Variants in PATJ observed in about 807,000 individuals in gnomAD.
The protein encoded by PATJ is inaD-like protein.
In PATJ, 190 loss-of-function variants were observed where a neutral mutation model predicts 224.9. That is an observed-to-expected ratio of 0.84 (90% CI 0.75 to 0.95). PATJ has a LOEUF of 0.95. PATJ is among the 40% of genes least tolerant of loss of function. The pLI, the probability that PATJ is intolerant of heterozygous loss-of-function variation, is 0.00. For synonymous variants in PATJ, 769 were observed against 820.3 expected, an observed-to-expected ratio of 0.94 and a Z score of 1.07; for missense variants, 2,121 against 2,270.3, an observed-to-expected ratio of 0.93 and a Z score of 1.34.
intron 27 of PATJ, among the ~76,000 whole-genome samples, chr1:61,980,745 G>A (rs1553230173): frequency 1.3e-5 from 2 of 152,082 alleles, no homozygotes; most frequent in Non-Finnish European, 2.9e-5. Context: ...GGCCATGCGG[G>A]GTTCCCCGCA....
At chr1:61,751,946 C>A (rs1645355818) in intron 1 of PATJ, among the ~76,000 whole-genome samples, 1 of 152,080 alleles carries the variant, frequency 6.6e-6, no homozygotes, top group Admixed American at 6.6e-5. Flanking sequence ...TCAGACCAGT[C>A]TGATTAACAT....
chr1:61,759,056 A>G (rs144197354), intron 1 of PATJ, among the ~76,000 whole-genome samples: 168 of 152,292 alleles, frequency 1.1e-3, no homozygotes, highest in African/African-American at 3.8e-3. Context: ...ATAAGAGACC[A>G]TTTCTTATCT....
At chr1:62,099,437 A>G (rs965035504) in intron 33 of PATJ, among the ~76,000 whole-genome samples, 1 of 142,768 alleles carries the variant, frequency 7.0e-6, no homozygotes, top group Non-Finnish European at 1.5e-5. Context: ...GTAATAAGAC[A>G]TAACACTCTT....
At position 61,827,495 on chromosome 1, in the gene PATJ, T is replaced by C; in HGVS notation, c.1892T>C (p.Phe631Ser). Residue 631 changes from phenylalanine (F) to serine (S), a missense_variant, in exon 16 of 44, where the codon TTT becomes TCT. Transcript: ENST00000642238. ...VSFLKEVPPP[F>S]TLVCCRRLFD... is the part of the protein sequence containing the mutation. The stretch of plus-strand genomic sequence containing the variant: ...TTTCTTAAAGAAGTGCCACCCCCTT[T>C]TACTTTGGTTTGCTGTCGGAGGTTG... 6.2e-7 allele frequency: 1 copy of C among 1,614,082 alleles called. No homozygotes were observed. The highest frequency in any genetic ancestry group is 8.5e-7 in the Non-Finnish European group (1 of 1,180,010).
At position 61,968,659 on chromosome 1, in the gene PATJ, G is replaced by A. The variant is rs185545370; in HGVS notation, c.3671-21509G>A. Among the ~76,000 whole-genome samples, 568 of 152,074 alleles carry A rather than the reference G, an allele frequency of 3.7e-3. 2 individuals are homozygous for A. The highest frequency in any genetic ancestry group is 0.013 in the African/African-American group (532 of 41,490). ...TGTGCCATGTTGGTGTGCTGCACCC[G>A]TTAACTTGTCACTTACATTAGGTAT... is the stretch of plus-strand genomic sequence containing the variant. On this transcript the variant is annotated intron_variant, in intron 27 of 43. Transcript: ENST00000642238.
intron 14 of PATJ, among the ~76,000 whole-genome samples, chr1:61,821,206 G>C (rs141616992): frequency 2.2e-4 from 34 of 151,954 alleles, no homozygotes; most frequent in Non-Finnish European, 4.4e-4. Flanking sequence ...CACCATGCCC[G>C]GCTAATTTTT....
intron 25 of PATJ, among the ~76,000 whole-genome samples, chr1:61,912,297 A>G (rs1412618802): frequency 6.6e-6 from 1 of 152,116 alleles, no homozygotes; most frequent in Non-Finnish European, 1.5e-5. Context: ...TTTCTCTGCT[A>G]TTTGAAAAAC....
chr1:61,871,435 G>GTA (rs72255413), intron 20 of PATJ, among the ~76,000 whole-genome samples: 31,263 of 71,600 alleles, frequency 0.44, 5,635 homozygotes, highest in East Asian at 0.74. Context: ...ACATATATAT[G>GTA]TGTATATACA....
At chr1:62,128,737 A>G (rs1011376501) in intron 40 of PATJ, 104 bp from the exon 41 acceptor site, 1 of 842,042 alleles carries the variant, frequency 1.2e-6, no homozygotes, top group Non-Finnish European at 2.0e-6. Context: ...GAATCCTCAC[A>G]ATAGCCACAA....
intron 29 of PATJ, among the ~76,000 whole-genome samples, chr1:62,032,187 T>G (rs922001050): frequency 1.3e-5 from 2 of 152,110 alleles, no homozygotes; most frequent in African/African-American, 2.4e-5. Flanking sequence ...GCTTCCAGGC[T>G]TATTCTCTAT....
At chr1:61,842,986 G>A (rs992279837) in intron 17 of PATJ, among the ~76,000 whole-genome samples, 2 of 152,156 alleles carry the variant, frequency 1.3e-5, no homozygotes, top group African/African-American at 4.8e-5. Flanking sequence ...AAATCTGTTT[G>A]TTCAAGGTGT....
chr1:61,861,417 A>G lies in PATJ; in HGVS notation c.2323-134A>G, dbSNP rs1664590053. 5 of 474,012 alleles carry G rather than the reference A, an allele frequency of 1.1e-5. No individual in the cohort carries two copies. The Admixed American group carries it at 2.2e-4, about 21-fold the overall frequency. 29.4% of individuals were successfully genotyped at this position (474,012 alleles called of 1,614,324 possible). ...AGGTATATGTGTGCATTGGTGATTT[A>G]CTGCACTTATCAACCCATCATCTAG... On this transcript the variant is annotated intron_variant, in intron 18 of 43. Transcript: ENST00000642238.
chr1:62,017,151 T>C (rs1386424108), intron 28 of PATJ, among the ~76,000 whole-genome samples: 1 of 152,160 alleles, frequency 6.6e-6, no homozygotes, highest in Non-Finnish European at 1.5e-5. Context: ...ATATACCCAC[T>C]TAACAATCAT....
intron 29 of PATJ, among the ~76,000 whole-genome samples, chr1:62,033,929 A>C (rs1286021621): frequency 6.6e-6 from 1 of 152,172 alleles, no homozygotes; most frequent in African/African-American, 2.4e-5. Context: ...AAACCAGCAC[A>C]AGTAATTTTA....
intron 28 of PATJ, among the ~76,000 whole-genome samples, chr1:61,996,101 A>G (rs1462399165): frequency 6.6e-6 from 1 of 152,222 alleles, no homozygotes; most frequent in African/African-American, 2.4e-5. Flanking sequence ...AGGATAACCC[A>G]AGTAAAATCC....
At chr1:61,947,622 G>A (rs764513895) in intron 27 of PATJ, among the ~76,000 whole-genome samples, 3 of 152,128 alleles carry the variant, frequency 2.0e-5, no homozygotes, top group Non-Finnish European at 4.4e-5. Flanking sequence ...TCAATATCAC[G>A]GAAATGGCCA....
intron 14 of PATJ, among the ~76,000 whole-genome samples, 153 bp downstream of exon 14, chr1:61,808,683 C>T (rs555466434): frequency 3.9e-5 from 6 of 152,266 alleles, no homozygotes; most frequent in African/African-American, 1.4e-4. Flanking sequence ...AGCCACTGAA[C>T]TCGGCCCATT....
At chr1:61,745,436 G>A (rs1336533246) in intron 1 of PATJ, among the ~76,000 whole-genome samples, 1 of 151,792 alleles carries the variant, frequency 6.6e-6, no homozygotes, top group Non-Finnish European at 1.5e-5. Flanking sequence ...ACCATACCTG[G>A]CTAATTTTTG....
Position 61,771,420 on chromosome 1 carries a change from A to G in PATJ, c.525-11A>G. 6.5e-7 allele frequency: 1 copy of G among 1,531,668 alleles called. No individual in the cohort carries two copies. Among genetic ancestry groups the G allele is most frequent in the African/African-American group, 1.4e-5 (1 of 70,970 alleles). 94.9% of individuals were successfully genotyped at this position (1,531,668 alleles called of 1,614,324 possible). A position where few individuals can be genotyped will look rare whatever the true frequency, so the allele number is the denominator to read the frequency against. On this transcript the variant is annotated splice_polypyrimidine_tract_variant and intron_variant, in intron 5 of 43. Transcript: ENST00000642238. ...GATCACTTAAAAAATTTCTTTTCTT[A>G]CATGATTAAGGGATCAAAGATTAAA...
Sources: gnomAD v4.1 joint callset for allele counts (sites outside exome capture counted in the v4.1 genomes callset) on GRCh38, gnomAD v4.1.1 for gene constraint, MANE v1.5 for transcripts, NCBI Gene and HGNC (gene_info 2026-07-23, HGNC 2026-07-21) for gene names.